The following SPTBN5 variants were observed in gnomAD, a reference collection of about 807,000 sequenced individuals.
SPTBN5 encodes spectrin beta chain, non-erythrocytic 5.
A neutral mutation model predicts 477.6 loss-of-function variants in SPTBN5; 513 were observed. The observed-to-expected ratio is 1.07, with a 90% CI of 1.00 to 1.16. SPTBN5 has a LOEUF of 1.16. Ranked by LOEUF, SPTBN5 falls within the 50% of genes most tolerant of loss-of-function variation. The probability of loss-of-function intolerance (pLI) is 0.00; values close to 1 mark genes in which losing one functional copy is unlikely to be tolerated. For missense variants in SPTBN5, 5,062 were observed against 4,731.8 expected (o/e 1.07, Z -2.05); for synonymous variants, 2,169 against 2,011.7 (o/e 1.08, Z -2.09).
At chr15:41,880,350 G>A in intron 13 of SPTBN5, 38 bp from the exon 14 acceptor site, 2 of 1,556,362 alleles carry the variant, frequency 1.3e-6, no homozygotes, top group Non-Finnish European at 8.7e-7. Context: ...TGAGGGTCAG[G>A]GCCCCCGACA....
rs375794947 is a variant in SPTBN5, at chr15:41,862,005, C to T, written c.7549-82G>A. The T allele has an allele frequency of 1.6e-5, 25 of 1,531,052 alleles. No homozygotes were observed. The South Asian group carries it at 1.7e-4, about 10-fold the overall frequency. The allele number at this position is 1,531,052 out of a possible 1,614,324, so 94.8% of individuals were successfully genotyped here. On this transcript the variant is annotated intron_variant, in intron 44 of 67. Coordinates refer to ENST00000320955, the MANE Select transcript of SPTBN5 (RefSeq NM_016642.4). ...GAGAGGTGGGGAAGCAGCTGAGGAG[C>T]GGGAGGCTGGAGGAGATAGGCAGGG... is the stretch of plus-strand genomic sequence containing the variant.
intron 24 of SPTBN5, 32 bp from the exon 25 acceptor site, chr15:41,874,077 C>T (rs1380352566): frequency 1.9e-6 from 3 of 1,563,112 alleles, no homozygotes; most frequent in Non-Finnish European, 2.6e-6. Context: ...GGCTGCTGCT[C>T]TTAACCCAGG....
In SPTBN5 at chr15:41,868,501, T is replaced by A; in HGVS notation, c.5954A>T (p.His1985Leu). 6.2e-7 allele frequency: 1 copy of A among 1,611,158 alleles called. No individual in the cohort carries two copies. The highest frequency in any genetic ancestry group is 8.5e-7 in the Non-Finnish European group (1 of 1,179,776). ...PSSGPLKLSA[H>L]QWLRAELEAR... ...CTCCAGCTCCGCCCGGAGCCACTGG[T>A]GGGCACTGAGCTTCAGCGGGCCACT... The change falls in exon 33 of 68, where the codon CAC becomes CTC. Residue 1985 changes from histidine to leucine, a missense_variant. By Grantham distance (99) the His-to-Leu change is moderately conservative (BLOSUM62 -3). Coordinates refer to ENST00000320955, the MANE Select transcript of SPTBN5 (RefSeq NM_016642.4).
In SPTBN5 at chr15:41,890,759, G is replaced by A. The variant is rs1567235319; in HGVS notation, c.385-554C>T. ...GGCCAGAGCCTGGGAATTTGCACTT[G>A]AACAACACCTTGGGTGGCTCTTAGG... On this transcript the variant is annotated intron_variant, in intron 3 of 67. Transcript: ENST00000320955. Among the ~76,000 whole-genome samples, 4 of 152,346 alleles carry A rather than the reference G, an allele frequency of 2.6e-5. No individual in the cohort carries two copies. The East Asian group carries it at 7.7e-4, about 29-fold the overall frequency.
intron 44 of SPTBN5, 94 bp from the exon 45 acceptor site, chr15:41,862,017 G>T: frequency 6.6e-7 from 1 of 1,524,018 alleles, no homozygotes; most frequent in South Asian, 1.2e-5. Context: ...GGAGGCTGGA[G>T]GAGATAGGCA....
At position 41,872,396 on chromosome 15, in the gene SPTBN5, T is replaced by C. The variant is rs1366481899; in HGVS notation, c.5071A>G (p.Thr1691Ala). The change falls in exon 27 of 68, where the codon ACC (threonine) becomes GCC (alanine). Residue 1691 changes from threonine to alanine, a missense_variant. Coordinates refer to ENST00000320955, the MANE Select transcript of SPTBN5 (RefSeq NM_016642.4). ...TCAGGGACTTCGGGGCCAGTGAGGGTTTGGGCCGTCTGGTCAAGCTCCTCC... is the reference window on the plus strand; with the variant it reads ...TCAGGGACTTCGGGGCCAGTGAGGGCTTGGGCCGTCTGGTCAAGCTCCTCC... ...SMEELDQTAQ[T>A]LTGPEVPEQQ... 6.2e-7 allele frequency: 1 copy of C among 1,604,604 alleles called. No individual in the cohort carries two copies. The highest frequency in any genetic ancestry group is 1.7e-4 in the Middle Eastern group (1 of 5,778).
In SPTBN5 at chr15:41,862,397, TG is replaced by T. The variant is rs1275867408; in HGVS notation, c.7386-106del. On this transcript the variant is annotated intron_variant, in intron 43 of 67. Transcript: ENST00000320955. ...ATCCCCTCAACCACAGGAGGGCCCA[TG>T]GGCTGGGAGTTACTGGGAGGACAGT... 31 of 1,518,724 alleles carry T rather than the reference TG, an allele frequency of 2.0e-5. 1 individual carries two copies. Among genetic ancestry groups the T allele is most frequent in the African/African-American group, 4.1e-5 (3 of 72,396 alleles). 94.1% of individuals were successfully genotyped at this position (1,518,724 alleles called of 1,614,324 possible).
rs115971145 is a variant in SPTBN5, at chr15:41,878,644, G to A, written c.3183-15C>T. 1.6e-4 allele frequency: 261 copies of A among 1,603,768 alleles called. 1 individual carries two copies. In the African/African-American group the frequency reaches 3.2e-3, roughly 19 times the overall value. The stretch of plus-strand genomic sequence containing the variant: ...GCTCCTCGACCCTGGGAGACAGGGT[G>A]CGCTGCACAGTCAGTGCCCTGTCCT... On this transcript the variant is annotated splice_polypyrimidine_tract_variant and intron_variant, in intron 16 of 67. Coordinates refer to ENST00000320955, the MANE Select transcript of SPTBN5 (RefSeq NM_016642.4).
chr15:41,855,917 G>A (rs371901375), intron 53 of SPTBN5, among the ~76,000 whole-genome samples, 172 bp from the exon 54 acceptor site: 49 of 152,354 alleles, frequency 3.2e-4, no homozygotes, highest in Non-Finnish European at 5.1e-4. Flanking sequence ...CAGCCAGAGC[G>A]GCAGTGTTTT....
chr15:41,877,724 C>T (rs2066792664), intron 17 of SPTBN5, among the ~76,000 whole-genome samples: 1 of 152,230 alleles, frequency 6.6e-6, no homozygotes, highest in South Asian at 2.1e-4. Flanking sequence ...AGGTAACACC[C>T]TTGTGTGAAT....
At chr15:41,882,968 A>G in intron 9 of SPTBN5, 28 bp downstream of exon 9, 2 of 1,520,298 alleles carry the variant, frequency 1.3e-6, no homozygotes, top group Non-Finnish European at 1.8e-6. Flanking sequence ...GTTCTGGGAA[A>G]GGTGGAAGAG....
intron 14 of SPTBN5, 128 bp from the exon 15 acceptor site, chr15:41,879,992 C>T: frequency 6.9e-7 from 1 of 1,445,656 alleles, no homozygotes; most frequent in East Asian, 2.4e-5. Context: ...CCTGGAAAGA[C>T]AGCCATCCGA....
In SPTBN5 at chr15:41,851,857, A is replaced by G. The variant is rs2065776134; in HGVS notation, c.10585-7T>C. On this transcript the variant is annotated splice_region_variant and splice_polypyrimidine_tract_variant and intron_variant, in intron 62 of 67. Transcript: ENST00000320955. ...TGGGGGTACCCTTTGCATCCTGAAA[A>G]TGCAAGATGGGGCCCAGAAATGTCA... is the stretch of plus-strand genomic sequence containing the variant. 6.2e-7 allele frequency: 1 copy of G among 1,608,158 alleles called. No homozygotes were observed.
chr15:41,876,779 G>A, intron 19 of SPTBN5, 30 bp downstream of exon 19: 1 of 1,608,828 alleles, frequency 6.2e-7, no homozygotes, highest in Non-Finnish European at 8.5e-7. Context: ...AGGGTCATCT[G>A]CAGGTGCTGC....
Position 41,878,418 on chromosome 15 carries a change from C to G in SPTBN5, c.3394G>C (p.Val1132Leu). 1 of 1,613,840 alleles carries G rather than the reference C, an allele frequency of 6.2e-7. No homozygotes were observed. Among genetic ancestry groups the G allele is most frequent in the Non-Finnish European group, 8.5e-7 (1 of 1,179,896 alleles). Residue 1132 changes from valine to leucine, a missense_variant, in exon 17 of 68, where the codon GTG becomes CTG. Coordinates refer to ENST00000320955, the MANE Select transcript of SPTBN5 (RefSeq NM_016642.4). ...AGCCGCTGAGCCGAGGCCACATCCA[C>G]TGACACCTCCTTGCTGCGCAGCTGA... ...QAQLRSKEVS[V>L]DVASAQRLLR...
At position 41,876,617 on chromosome 15, in the gene SPTBN5, TG is replaced by T. The variant is rs761739394; in HGVS notation, c.3881del (p.Ala1294AspfsTer33). ...TCCTCCCCTGGAGCCTGGTCCACTG[TG>T]CCTGGATACTCTGCAGCTGCTCTCT... ...TVREQLQSIQ[A>X]QWTRLQGRSE... On this transcript the variant is annotated frameshift_variant, in exon 20 of 68. Transcript: ENST00000320955. LOFTEE classifies it high-confidence loss of function. The T allele has an allele frequency of 2.8e-6, 4 of 1,404,962 alleles. No homozygotes were observed. Among genetic ancestry groups the T allele is most frequent in the Non-Finnish European group, 2.9e-6 (3 of 1,052,176 alleles). The allele number at this position is 1,404,962 out of a possible 1,614,324, so 87.0% of individuals were successfully genotyped here.
rs932254974 is a variant in SPTBN5 at position 41,882,382 on chromosome 15, T to G, written c.2134A>C (p.Thr712Pro). ...GCCCGTTCCCCGGGATCCGGCTGCG[T>G]TGGGGGCCTGCGGGCGCTGAGGTCG... ...GRDLSARRPP[T>P]QPDPGERAEA... The change falls in exon 11 of 68, where the codon ACG becomes CCG. Residue 712 changes from threonine to proline, a missense_variant. Thr to Pro is a conservative substitution (Grantham distance 38). Transcript: ENST00000320955. The G allele has an allele frequency of 6.5e-7, 1 of 1,537,458 alleles. No individual in the cohort carries two copies. The highest frequency in any genetic ancestry group is 8.7e-7 in the Non-Finnish European group (1 of 1,147,582).
In SPTBN5 at chr15:41,867,620, A is replaced by G. The variant is rs773580865; in HGVS notation, c.6230T>C (p.Leu2077Ser). 2 of 1,613,664 alleles carry G rather than the reference A, an allele frequency of 1.2e-6. No homozygotes were observed. The highest frequency in any genetic ancestry group is 3.3e-5 in the Admixed American group (2 of 60,024). ...AQEVSLKTSA[L>S]GSSVEEVEQL... is the part of the protein sequence containing the mutation. ...CTCTACCTCTTCCACCGAGCTCCCC[A>G]AGGCACTGGTTTTCAGGGAGACCTG... Residue 2077 changes from leucine to serine, a missense_variant, in exon 35 of 68, where the codon TTG becomes TCG. Leu to Ser is a moderately radical substitution (Grantham distance 145). Transcript: ENST00000320955.
chr15:41,871,600 G>A (rs1465290863), intron 28 of SPTBN5, 80 bp from the exon 29 acceptor site: 1 of 1,415,760 alleles, frequency 7.1e-7, no homozygotes, highest in African/African-American at 1.5e-5. Context: ...GCACCTCAGT[G>A]CCCAACTGGG....
Sources: gnomAD v4.1 joint callset for allele counts (sites outside exome capture counted in the v4.1 genomes callset) on GRCh38, gnomAD v4.1.1 for gene constraint, MANE v1.5 for transcripts, NCBI Gene and HGNC (gene_info 2026-07-23, HGNC 2026-07-21) for gene names.